Variants in TEAD4 observed in about 807,000 individuals in gnomAD.
TEAD4 encodes TEA domain transcription factor 4.
A neutral mutation model predicts 52.4 loss-of-function variants in TEAD4; 36 were observed. That is an observed-to-expected ratio of 0.69 (90% CI 0.53 to 0.91). The LOEUF (loss-of-function observed/expected upper bound fraction) is 0.91. Ranked by LOEUF, TEAD4 falls within the 40% of genes least tolerant of loss-of-function variation. The probability of loss-of-function intolerance (pLI) is 0.00; values close to 1 mark genes in which losing one functional copy is unlikely to be tolerated. For synonymous variants in TEAD4, 220 were observed against 231.0 expected (o/e 0.95, Z 0.43); for missense variants, 508 against 583.9 (o/e 0.87, Z 1.34).
chr12:2,984,101 G>C (rs977832635), intron 2 of TEAD4, among the ~76,000 whole-genome samples: 1 of 152,150 alleles, frequency 6.6e-6, no homozygotes, highest in Non-Finnish European at 1.5e-5. Flanking sequence ...TAGCATGTTG[G>C]GGGGTGATTT....
chr12:2,977,711 A>G (rs2098230899), intron 2 of TEAD4, among the ~76,000 whole-genome samples: 1 of 151,882 alleles, frequency 6.6e-6, no homozygotes, highest in Admixed American at 6.6e-5. Context: ...AGGTCATAGG[A>G]CTCTGAGGCG....
chr12:2,965,762 TC>T (rs1192838939), intron 2 of TEAD4, among the ~76,000 whole-genome samples: 1 of 152,082 alleles, frequency 6.6e-6, no homozygotes, highest in East Asian at 1.9e-4. Context: ...GCCAGGATGG[TC>T]TTGATCTCTC....
At chr12:3,038,726 G>C (rs4766028) in intron 11 of TEAD4, among the ~76,000 whole-genome samples, 91,675 of 152,038 alleles carry the variant, frequency 0.6, 31,059 homozygotes, top group East Asian at 0.94. Context: ...CCCCACCCAG[G>C]CACCCTGCTT....
chr12:3,021,772 A>G (rs4759380), intron 9 of TEAD4, 72 bp from the exon 10 acceptor site: 1,265,407 of 1,532,766 alleles, frequency 0.83, 526,864 homozygotes, highest in East Asian at 0.98. Context: ...CGTGGTGGGC[A>G]CGCAGAGCCA....
intron 2 of TEAD4, among the ~76,000 whole-genome samples, chr12:2,989,401 T>C (rs1353322726): frequency 6.6e-6 from 1 of 152,238 alleles, no homozygotes; most frequent in South Asian, 2.1e-4. Flanking sequence ...TTATATTGAG[T>C]CTTCTAGTGT....
At chr12:2,995,141 A>T (rs1370814778) in intron 3 of TEAD4, 149 bp downstream of exon 3, 117 of 770,664 alleles carry the variant, frequency 1.5e-4, no homozygotes, top group East Asian at 3.6e-4. Flanking sequence ...TGGGCTCCCA[A>T]GGGATGGGGG....
chr12:2,993,074 A>C (rs2098244426), intron 2 of TEAD4, among the ~76,000 whole-genome samples: 1 of 152,226 alleles, frequency 6.6e-6, no homozygotes. Context: ...AGTGACCTAC[A>C]TTATATTGTA....
At chr12:3,012,046 A>T in intron 4 of TEAD4, 124 bp from the exon 5 acceptor site, 4 of 830,526 alleles carry the variant, frequency 4.8e-6, no homozygotes, top group Admixed American at 2.6e-5. Flanking sequence ...TGACCCTTTC[A>T]TTCATTCATT....
intron 9 of TEAD4, among the ~76,000 whole-genome samples, chr12:3,021,520 A>T (rs538187728): frequency 1.3e-5 from 2 of 152,112 alleles, no homozygotes; most frequent in Admixed American, 6.5e-5. Flanking sequence ...CATGTTGTCC[A>T]GGCTGGTCTT....
At chr12:2,991,176 G>C (rs1266097952) in intron 2 of TEAD4, among the ~76,000 whole-genome samples, 2 of 152,058 alleles carry the variant, frequency 1.3e-5, no homozygotes, top group African/African-American at 4.8e-5. Context: ...TTCAGCCTGG[G>C]CAACAGAGCA....
At chr12:2,966,692 T>G (rs1469814221) in intron 2 of TEAD4, among the ~76,000 whole-genome samples, 6 of 151,808 alleles carry the variant, frequency 4.0e-5, no homozygotes. Flanking sequence ...ATTACAGGTG[T>G]GAGCCACCAT....
intron 10 of TEAD4, among the ~76,000 whole-genome samples, chr12:3,030,022 G>T (rs78147708): frequency 0.012 from 1,856 of 152,194 alleles, 36 homozygotes; most frequent in African/African-American, 0.043. Context: ...AGGGTCGGGG[G>T]TAGGGGCCCT....
At chr12:3,018,674 A>G in intron 7 of TEAD4, 86 bp downstream of exon 7, 1 of 1,576,768 alleles carries the variant, frequency 6.3e-7, no homozygotes, top group East Asian at 2.2e-5. Context: ...CCTGGGCCCC[A>G]GGGTGTGCTG....
At chr12:2,993,488 T>G (rs1307791836) in intron 2 of TEAD4, among the ~76,000 whole-genome samples, 1 of 151,994 alleles carries the variant, frequency 6.6e-6, no homozygotes, top group East Asian at 1.9e-4. Flanking sequence ...TCATTTATTT[T>G]GAGACAGAGC....
At chr12:2,985,873 C>CA (rs1316012143) in intron 2 of TEAD4, among the ~76,000 whole-genome samples, 1 of 151,772 alleles carries the variant, frequency 6.6e-6, no homozygotes, top group African/African-American at 2.4e-5. Flanking sequence ...ATCACTACGT[C>CA]AGGAGTTCAA....
intron 2 of TEAD4, among the ~76,000 whole-genome samples, chr12:2,965,868 T>C (rs1218123819): frequency 2.0e-5 from 3 of 152,066 alleles, no homozygotes; most frequent in African/African-American, 7.2e-5. Context: ...ATTATCATTA[T>C]TATTATTATC....
chr12:2,993,340 A>G lies in TEAD4; in HGVS notation c.-29-1398A>G, dbSNP rs573911266. 2.6e-5 allele frequency among the ~76,000 whole-genome samples: 4 copies of G among 152,300 alleles called. No individual in the cohort carries two copies. The South Asian group carries it at 8.3e-4, about 32-fold the overall frequency. On this transcript the variant is annotated intron_variant, in intron 2 of 12. Coordinates refer to ENST00000359864, the MANE Select transcript of TEAD4 (RefSeq NM_003213.4). Reference sequence around the variant, plus strand: ...TTTGACCACTTAAGAACATTTTGTAAAAAAAATTTTTAGTAGAGATGAAGT... The same window carrying G: ...TTTGACCACTTAAGAACATTTTGTAGAAAAAATTTTTAGTAGAGATGAAGT...
chr12:3,032,573 T>C (rs2098276346), intron 10 of TEAD4, among the ~76,000 whole-genome samples: 2 of 152,214 alleles, frequency 1.3e-5, no homozygotes, highest in Admixed American at 1.3e-4. Flanking sequence ...GTGCCTCTGC[T>C]TCTTTGTGTG....
intron 2 of TEAD4, among the ~76,000 whole-genome samples, chr12:2,978,812 G>A (rs1303921747): frequency 6.6e-6 from 1 of 152,202 alleles, no homozygotes; most frequent in African/African-American, 2.4e-5. Context: ...CTTCATGGAA[G>A]TGAAATAACA....
Sources: allele counts gnomAD v4.1 joint callset (sites outside exome capture counted in the v4.1 genomes callset), GRCh38; gene constraint gnomAD v4.1.1; transcripts MANE v1.5; gene names NCBI Gene and HGNC (gene_info 2026-07-23, HGNC 2026-07-21).